The following HDGFL3 variants were observed in gnomAD, a reference collection of about 807,000 sequenced individuals.
HDGFL3 encodes HDGF like 3, also known as hepatoma-derived growth factor-related protein 3.
HDGFL3 carries 6 observed loss-of-function variants against 27.6 expected under a neutral mutation model. The ratio of observed to expected loss-of-function variants is 0.22; its 90% CI spans 0.12 to 0.43. The LOEUF is 0.43. Ranked by LOEUF, HDGFL3 falls within the 20% of genes least tolerant of loss-of-function variation. The pLI is 1.00. For synonymous variants in HDGFL3, 88 were observed against 88.9 expected (o/e 0.99, Z 0.05); for missense variants, 207 against 250.1 (o/e 0.83, Z 1.16).
At chr15:83,145,713 T>G (rs1281883350) in intron 5 of HDGFL3, among the ~76,000 whole-genome samples, 1 of 152,090 alleles carries the variant, frequency 6.6e-6, no homozygotes, top group East Asian at 1.9e-4. Context: ...TCTGGCCCTC[T>G]GTCATTCATC....
intron 5 of HDGFL3, among the ~76,000 whole-genome samples, chr15:83,143,215 T>C (rs1258149479): frequency 6.6e-6 from 1 of 152,144 alleles, no homozygotes; most frequent in Non-Finnish European, 1.5e-5. Flanking sequence ...TTTCACCATG[T>C]TGGCCAGGCT....
chr15:83,198,070 A>AAAAAAAAAAAAAAAAAAAC (rs1306129253), intron 1 of HDGFL3, among the ~76,000 whole-genome samples: 1 of 150,872 alleles, frequency 6.6e-6, no homozygotes. Context: ...AAAAAAAAAA[A>AAAAAAAAAAAAAAAAAAAC]AAAAGAAGCC....
intron 2 of HDGFL3, among the ~76,000 whole-genome samples, chr15:83,160,561 T>C (rs1050347033): frequency 1.5e-5 from 2 of 133,636 alleles, no homozygotes; most frequent in African/African-American, 5.5e-5. Flanking sequence ...GGGGGAACAA[T>C]ATTTGGGGGC....
At chr15:83,125,714 G>GT (rs1158894155), downstream of HDGFL3, among the ~76,000 whole-genome samples, 28 of 152,328 alleles carry the variant, frequency 1.8e-4, no homozygotes, top group Admixed American at 1.2e-3. Flanking sequence ...GTTGGCGCGC[G>GT]TAACAGTTGG....
chr15:83,151,217 C>G lies in HDGFL3; in HGVS notation c.604G>C (p.Gly202Arg). The change falls in exon 5 of 6, where the codon GGG becomes CGG. Residue 202 changes from glycine to arginine, a missense_variant and splice_region_variant. Gly to Arg is a moderately radical substitution (Grantham distance 125). Transcript: ENST00000299633. ...TTSDLQKTSE[G>R]T ...AGAAATTATAAGCACATCCTTACCC[C>G]TTCACTGGTTTTCTGCAAGTCTGAA... 1.2e-6 allele frequency: 2 copies of G among 1,612,038 alleles called. No homozygotes were observed. Among genetic ancestry groups the G allele is most frequent in the Non-Finnish European group, 1.7e-6 (2 of 1,179,644 alleles).
intron 1 of HDGFL3, among the ~76,000 whole-genome samples, chr15:83,196,772 G>T (rs868064846): frequency 6.6e-6 from 1 of 152,214 alleles, no homozygotes; most frequent in Middle Eastern, 3.4e-3. Flanking sequence ...AAATCCAAGA[G>T]GATTAGAGAA....
chr15:83,133,208 GA>G lies in HDGFL3; in HGVS notation c.*6061del, dbSNP rs2036373479. 1 of 152,188 alleles carries G rather than the reference GA, an allele frequency of 6.6e-6. No homozygotes were observed. The highest frequency in any genetic ancestry group is 2.1e-4 in the South Asian group (1 of 4,828). The allele number at this position is 152,188 out of a possible 1,614,324, so 9.4% of individuals were successfully genotyped here. A position where few individuals can be genotyped will look rare whatever the true frequency, so the allele number is the denominator to read the frequency against. On this transcript the variant is annotated 3_prime_UTR_variant, in exon 6 of 6. Transcript: ENST00000299633. The stretch of plus-strand genomic sequence containing the variant: ...CTGAACCAATGAACTATGTTGCTCA[GA>G]AAACTCTAAGAAAAGATAACACAGT...
chr15:83,201,527 C>T lies in HDGFL3; in HGVS notation c.84+5804G>A, dbSNP rs150585328. The stretch of plus-strand genomic sequence containing the variant: ...TCTCCAATAAATAAATATATTCGGG[C>T]TAGTCTCCTACTATATTTATTATAC... On this transcript the variant is annotated intron_variant, in intron 1 of 5. Transcript: ENST00000299633. 9.9e-3 allele frequency among the ~76,000 whole-genome samples: 1,510 copies of T among 152,190 alleles called. 14 individuals carry two copies. The highest frequency in any genetic ancestry group is 0.017 in the Non-Finnish European group (1,164 of 67,982).
At chr15:83,123,835 T>C (rs963248398), downstream of HDGFL3, among the ~76,000 whole-genome samples, 1 of 152,262 alleles carries the variant, frequency 6.6e-6, no homozygotes, top group African/African-American at 2.4e-5. Context: ...TTACTTATCA[T>C]TATTTTTAAT....
chr15:83,185,531 G>A (rs2037431981), intron 1 of HDGFL3, among the ~76,000 whole-genome samples: 1 of 152,166 alleles, frequency 6.6e-6, no homozygotes, highest in Admixed American at 6.5e-5. Flanking sequence ...GACTGTGTGA[G>A]GTTGTCTTAA....
At chr15:83,204,730 T>C (rs533362946) in intron 1 of HDGFL3, among the ~76,000 whole-genome samples, 4 of 152,364 alleles carry the variant, frequency 2.6e-5, no homozygotes, top group South Asian at 2.1e-4. Context: ...TTGGTGCTTT[T>C]AGATACTCTG....
chr15:83,141,425 A>G (rs2036768906), intron 5 of HDGFL3, among the ~76,000 whole-genome samples: 1 of 152,246 alleles, frequency 6.6e-6, no homozygotes, highest in African/African-American at 2.4e-5. Flanking sequence ...AGGAATGATA[A>G]TATTCAATAT....
chr15:83,142,417 CACAGGAACAGAAA>C (rs1309370816), intron 5 of HDGFL3, among the ~76,000 whole-genome samples: 1 of 152,112 alleles, frequency 6.6e-6, no homozygotes, highest in Non-Finnish European at 1.5e-5. Flanking sequence ...AACAAACTAA[CACAGGAACAGAAA>C]ACCAGATACC....
rs554837315 is a variant in HDGFL3, at chr15:83,157,564, G to T, written c.310C>A (p.Gln104Lys). 78 of 1,611,800 alleles carry T rather than the reference G, an allele frequency of 4.8e-5. 1 individual carries two copies. In the South Asian group the frequency reaches 8.4e-4, roughly 17 times the overall value. ...CCCTCAGTTTCTGAAGAGCTCTGTT[G>T]CTGAATTGCCTAAGAAATAATAAAA... ...VKFTGYQAIQ[Q>K]QSSSETEGEG... The change falls in exon 4 of 6, where the codon CAA (glutamine) becomes AAA (lysine). Residue 104 changes from glutamine to lysine, a missense_variant. Gln to Lys is a moderately conservative substitution (Grantham distance 53). Coordinates refer to ENST00000299633, the MANE Select transcript of HDGFL3 (RefSeq NM_016073.4).
chr15:83,119,413 C>T (rs1031229553), intron 3 of HDGFL3, among the ~76,000 whole-genome samples: 8 of 152,150 alleles, frequency 5.3e-5, no homozygotes, highest in Admixed American at 1.3e-4. Context: ...GCAGCTCCAG[C>T]GTAAAGTTGT....
intron 1 of HDGFL3, among the ~76,000 whole-genome samples, chr15:83,175,124 G>C (rs1000244268): frequency 1.3e-5 from 2 of 152,140 alleles, no homozygotes; most frequent in Non-Finnish European, 2.9e-5. Flanking sequence ...CAAAGAATGT[G>C]CTCTCAAGTT....
chr15:83,165,246 C>T (rs2037155137), intron 1 of HDGFL3, among the ~76,000 whole-genome samples: 1 of 152,184 alleles, frequency 6.6e-6, no homozygotes, highest in African/African-American at 2.4e-5. Context: ...TCTCTCAAAG[C>T]AAGATCTATG....
At chr15:83,181,637 G>T (rs963163094) in intron 1 of HDGFL3, among the ~76,000 whole-genome samples, 10 of 152,062 alleles carry the variant, frequency 6.6e-5, no homozygotes, top group African/African-American at 2.2e-4. Context: ...CACCACGCCC[G>T]GCTAATTTTT....
chr15:83,202,767 T>A (rs1407018382), intron 1 of HDGFL3, among the ~76,000 whole-genome samples: 1 of 152,094 alleles, frequency 6.6e-6, no homozygotes, highest in Non-Finnish European at 1.5e-5. Context: ...CAGGGAACAT[T>A]TCCAGTGCCT....
Sources: allele counts gnomAD v4.1 joint callset (sites outside exome capture counted in the v4.1 genomes callset), GRCh38; gene constraint gnomAD v4.1.1; transcripts MANE v1.5; gene names NCBI Gene and HGNC (gene_info 2026-07-23, HGNC 2026-07-21).